JARID2: variants seen among roughly 807,000 people sequenced by gnomAD.
JARID2 encodes jumonji and AT-rich interaction domain containing 2, also known as protein Jumonji.
In JARID2, 21 loss-of-function variants were observed where a neutral mutation model predicts 125.6. That is an observed-to-expected ratio of 0.17 (90% CI 0.12 to 0.24). The LOEUF is 0.24. Among genes scored for constraint, JARID2 ranks in the 10% least tolerant of loss-of-function variants. The pLI, the probability that JARID2 is intolerant of heterozygous loss-of-function variation, is 1.00. For missense variants in JARID2, 1,303 were observed against 1,639.6 expected, an observed-to-expected ratio of 0.79 and a Z score of 3.55; for synonymous variants, 736 against 661.6, an observed-to-expected ratio of 1.11 and a Z score of -1.73.
At chr6:15,505,860 G>T (rs551418835) in intron 9 of JARID2, among the ~76,000 whole-genome samples, 1 of 152,380 alleles carries the variant, frequency 6.6e-6, no homozygotes, top group African/African-American at 2.4e-5. Flanking sequence ...CACGCGTTGC[G>T]TTTGTGGTAG....
intron 9 of JARID2, among the ~76,000 whole-genome samples, chr6:15,505,708 T>C (rs924845061): frequency 1.3e-5 from 2 of 152,396 alleles, no homozygotes; most frequent in East Asian, 3.9e-4. Flanking sequence ...GGTGCGGCTG[T>C]TGAATGCCAC....
At chr6:15,467,821 T>C (rs1768815228) in intron 4 of JARID2, among the ~76,000 whole-genome samples, 1 of 150,674 alleles carries the variant, frequency 6.6e-6, no homozygotes, top group South Asian at 2.1e-4. Flanking sequence ...AGAAAAATAA[T>C]GATATTGAGC....
At chr6:15,479,032 G>A (rs893710325) in intron 5 of JARID2, among the ~76,000 whole-genome samples, 20 of 152,240 alleles carry the variant, frequency 1.3e-4, no homozygotes, top group African/African-American at 4.1e-4. Flanking sequence ...ACGAGTTAAC[G>A]CCATCCTTTT....
At chr6:15,507,310 G>A (rs745488163) in intron 10 of JARID2, 36 bp from the exon 11 acceptor site, 2 of 1,607,928 alleles carry the variant, frequency 1.2e-6, no homozygotes, top group Admixed American at 1.7e-5. Context: ...TCCTTTCCCC[G>A]CCAGTTTGTA....
chr6:15,294,538 C>G (rs1229175456), intron 1 of JARID2, among the ~76,000 whole-genome samples: 1 of 152,142 alleles, frequency 6.6e-6, no homozygotes, highest in Admixed American at 6.5e-5. Context: ...GTTAGAGAAG[C>G]AGAGTGAAAA....
At chr6:15,318,437 T>C (rs983822513) in intron 1 of JARID2, among the ~76,000 whole-genome samples, 1 of 152,226 alleles carries the variant, frequency 6.6e-6, no homozygotes, top group African/African-American at 2.4e-5. Context: ...TAGAATAGTT[T>C]CCATGTCCAG....
At chr6:15,330,146 C>T (rs1434893450) in intron 1 of JARID2, among the ~76,000 whole-genome samples, 1 of 152,214 alleles carries the variant, frequency 6.6e-6, no homozygotes, top group Non-Finnish European at 1.5e-5. Flanking sequence ...ACAAGTCAGG[C>T]TGTAACTTTA....
chr6:15,255,312 C>T (rs929742242), intron 1 of JARID2, among the ~76,000 whole-genome samples: 13 of 152,070 alleles, frequency 8.5e-5, no homozygotes, highest in Non-Finnish European at 1.3e-4. Flanking sequence ...ACCCTGTTGG[C>T]CAGGATGGTC....
At chr6:15,307,979 C>T (rs574724440) in intron 1 of JARID2, among the ~76,000 whole-genome samples, 3 of 152,220 alleles carry the variant, frequency 2.0e-5, no homozygotes, top group East Asian at 3.9e-4. Flanking sequence ...AGCTATAGAC[C>T]CTGACATGGT....
At chr6:15,481,945 T>C (rs1769638920) in intron 5 of JARID2, among the ~76,000 whole-genome samples, 1 of 152,250 alleles carries the variant, frequency 6.6e-6, no homozygotes, top group Non-Finnish European at 1.5e-5. Context: ...TCCCCTTTCC[T>C]ATAATCCTGG....
At chr6:15,458,315 G>A (rs1768284391) in intron 4 of JARID2, among the ~76,000 whole-genome samples, 2 of 152,132 alleles carry the variant, frequency 1.3e-5, no homozygotes, top group African/African-American at 2.4e-5. Context: ...ATTCCCAAAG[G>A]GGACTCCTGA....
chr6:15,300,722 T>TGTGTGTGAGAGA (rs1246745065), intron 1 of JARID2, among the ~76,000 whole-genome samples: 2 of 111,118 alleles, frequency 1.8e-5, no homozygotes, highest in Non-Finnish European at 3.7e-5. Context: ...TGTGTGTGTG[T>TGTGTGTGAGAGA]GAGAGAGAGA....
intron 1 of JARID2, among the ~76,000 whole-genome samples, chr6:15,309,779 A>G (rs1761954428): frequency 6.6e-6 from 1 of 152,088 alleles, no homozygotes; most frequent in Non-Finnish European, 1.5e-5. Flanking sequence ...AGAAGGCTTG[A>G]AGGACAGGGA....
chr6:15,313,475 G>A (rs1318726984), intron 1 of JARID2, among the ~76,000 whole-genome samples: 1 of 152,152 alleles, frequency 6.6e-6, no homozygotes, highest in East Asian at 1.9e-4. Flanking sequence ...CTTCACTGGT[G>A]ACTTCCCATT....
At chr6:15,463,046 ACT>A (rs1331375224) in intron 4 of JARID2, among the ~76,000 whole-genome samples, 8 of 152,212 alleles carry the variant, frequency 5.3e-5, no homozygotes, top group African/African-American at 1.7e-4. Flanking sequence ...TGCATTCCGT[ACT>A]CTGATTGCTC....
chr6:15,464,536 C>T (rs115778780), intron 4 of JARID2, among the ~76,000 whole-genome samples: 96 of 152,212 alleles, frequency 6.3e-4, no homozygotes, highest in African/African-American at 2.3e-3. Flanking sequence ...GACAGTCAGG[C>T]CATATCCAGG....
intron 1 of JARID2, among the ~76,000 whole-genome samples, chr6:15,362,604 T>C (rs1487850033): frequency 1.3e-5 from 2 of 152,120 alleles, no homozygotes; most frequent in Admixed American, 1.3e-4. Context: ...TAAGGGAAGT[T>C]AGGCTGATGA....
At chr6:15,278,799 T>A (rs777328797) in intron 1 of JARID2, among the ~76,000 whole-genome samples, 1 of 152,104 alleles carries the variant, frequency 6.6e-6, no homozygotes, top group Non-Finnish European at 1.5e-5. Context: ...CTGGGCATGG[T>A]GGCCCACACG....
chr6:15,389,098 A>G (rs1054476884), intron 2 of JARID2, among the ~76,000 whole-genome samples: 1 of 152,208 alleles, frequency 6.6e-6, no homozygotes, highest in Admixed American at 6.5e-5. Flanking sequence ...TTATGCTGCC[A>G]TGTGTTACAT....
Sources: allele counts gnomAD v4.1 joint callset (sites outside exome capture counted in the v4.1 genomes callset), GRCh38; gene constraint gnomAD v4.1.1; transcripts MANE v1.5; gene names NCBI Gene and HGNC (gene_info 2026-07-23, HGNC 2026-07-21).